Variants in ARHGAP24 observed in about 807,000 individuals in gnomAD.
The protein encoded by ARHGAP24 is Rho GTPase activating protein 24.
In ARHGAP24, 50 loss-of-function variants were observed where a neutral mutation model predicts 76.4. The observed-to-expected ratio is 0.65, with a 90% CI of 0.52 to 0.83. The LOEUF (loss-of-function observed/expected upper bound fraction) is 0.83. ARHGAP24 is among the 40% of genes least tolerant of loss of function. The pLI is 0.00. For synonymous variants in ARHGAP24, 345 were observed against 323.3 expected (o/e 1.07, Z -0.72); for missense variants, 930 against 914.2 (o/e 1.02, Z -0.22).
intron 2 of ARHGAP24, among the ~76,000 whole-genome samples, chr4:85,684,965 A>G (rs1320411944): frequency 6.6e-6 from 1 of 152,174 alleles, no homozygotes; most frequent in East Asian, 1.9e-4. Context: ...TGTTTCGGAT[A>G]TGCTATTTGT....
intron 3 of ARHGAP24, among the ~76,000 whole-genome samples, chr4:85,767,200 A>G (rs1726960812): frequency 1.3e-5 from 2 of 152,194 alleles, no homozygotes. Context: ...ATGTATGACC[A>G]TAGTTGCAAA....
At chr4:85,896,539 G>C (rs1734188536) in intron 3 of ARHGAP24, among the ~76,000 whole-genome samples, 1 of 152,146 alleles carries the variant, frequency 6.6e-6, no homozygotes, top group Non-Finnish European at 1.5e-5. Context: ...GAGGATGCTG[G>C]ATTCTTCTTC....
intron 4 of ARHGAP24, among the ~76,000 whole-genome samples, chr4:85,928,677 G>T (rs1272269317): frequency 6.6e-6 from 1 of 152,008 alleles, no homozygotes; most frequent in East Asian, 1.9e-4. Flanking sequence ...GGCCAGGCTG[G>T]TCTCAAACTC....
chr4:85,995,808 A>T (rs1238241231), intron 9 of ARHGAP24, 151 bp downstream of exon 9: 9 of 775,372 alleles, frequency 1.2e-5, no homozygotes, highest in Non-Finnish European at 1.9e-5. Flanking sequence ...ACTGTGTGCA[A>T]GTTAGCTTCA....
intron 1 of ARHGAP24, among the ~76,000 whole-genome samples, chr4:85,519,872 C>T (rs1192027637): frequency 6.6e-6 from 1 of 152,082 alleles, no homozygotes; most frequent in Non-Finnish European, 1.5e-5. Context: ...AAGGCTGTCC[C>T]GACTGTGGTG....
chr4:85,519,274 G>A (rs986405292), intron 1 of ARHGAP24, among the ~76,000 whole-genome samples: 1 of 152,018 alleles, frequency 6.6e-6, no homozygotes, highest in African/African-American at 2.4e-5. Flanking sequence ...TGTCATCCAG[G>A]TGCCATTGTT....
intron 1 of ARHGAP24, among the ~76,000 whole-genome samples, chr4:85,508,625 G>C (rs186089382): frequency 6.6e-6 from 1 of 152,002 alleles, no homozygotes; most frequent in Non-Finnish European, 1.5e-5. Flanking sequence ...TTTCATTCCC[G>C]TGCTATGAGC....
At chr4:85,700,321 G>A (rs191088873) in intron 2 of ARHGAP24, among the ~76,000 whole-genome samples, 9 of 151,784 alleles carry the variant, frequency 5.9e-5, no homozygotes, top group African/African-American at 1.7e-4. Flanking sequence ...GCTTGAACCC[G>A]GGAGGTGGAA....
intron 2 of ARHGAP24, among the ~76,000 whole-genome samples, chr4:85,687,115 G>T (rs534079236): frequency 6.7e-6 from 1 of 149,490 alleles, no homozygotes; most frequent in South Asian, 2.1e-4. Context: ...TGATGATGAT[G>T]ATGGATGGAT....
chr4:85,786,809 C>T (rs766183892), intron 3 of ARHGAP24, among the ~76,000 whole-genome samples: 15 of 152,298 alleles, frequency 9.8e-5, no homozygotes, highest in Non-Finnish European at 1.6e-4. Flanking sequence ...TACTTTCTCA[C>T]CTTTGTATGG....
intron 3 of ARHGAP24, among the ~76,000 whole-genome samples, chr4:85,806,395 T>C (rs10516762): frequency 0.22 from 32,712 of 152,128 alleles, 4,661 homozygotes; most frequent in Non-Finnish European, 0.33. Context: ...GTTGAAAATA[T>C]GTATAATTGT....
intron 2 of ARHGAP24, among the ~76,000 whole-genome samples, chr4:85,620,014 A>C (rs1720664184): frequency 6.6e-6 from 1 of 151,958 alleles, no homozygotes; most frequent in South Asian, 2.1e-4. Context: ...TAGAAATCCC[A>C]CTTGACCTGA....
At chr4:85,547,880 GTT>G (rs1725980207) in intron 1 of ARHGAP24, among the ~76,000 whole-genome samples, 1 of 152,122 alleles carries the variant, frequency 6.6e-6, no homozygotes, top group South Asian at 2.1e-4. Context: ...CTACCTACTA[GTT>G]TTTGCATCCA....
intron 3 of ARHGAP24, among the ~76,000 whole-genome samples, chr4:85,883,991 T>C (rs766447124): frequency 1.2e-4 from 19 of 152,172 alleles, no homozygotes; most frequent in Non-Finnish European, 2.1e-4. Context: ...AAAACTCCCA[T>C]AATGTTTTGA....
intron 3 of ARHGAP24, among the ~76,000 whole-genome samples, chr4:85,752,822 T>C (rs1370351947): frequency 6.6e-6 from 1 of 152,228 alleles, no homozygotes; most frequent in Non-Finnish European, 1.5e-5. Flanking sequence ...AACACCTTGC[T>C]TGGCACAAAG....
intron 1 of ARHGAP24, among the ~76,000 whole-genome samples, chr4:85,566,012 C>A (rs1034834115): frequency 6.6e-6 from 1 of 152,158 alleles, no homozygotes; most frequent in African/African-American, 2.4e-5. Flanking sequence ...GAAAACAATT[C>A]AAAAGCTACA....
At chr4:85,917,671 G>C (rs1177289571) in intron 3 of ARHGAP24, among the ~76,000 whole-genome samples, 1 of 152,028 alleles carries the variant, frequency 6.6e-6, no homozygotes, top group African/African-American at 2.4e-5. Context: ...CAGTGATGTT[G>C]GCATTTTTTC....
At chr4:85,766,208 A>T (rs1486985117) in intron 3 of ARHGAP24, among the ~76,000 whole-genome samples, 1 of 152,076 alleles carries the variant, frequency 6.6e-6, no homozygotes, top group East Asian at 1.9e-4. Context: ...AGATGAAGGA[A>T]GTAGAGATGG....
At chr4:85,804,099 G>A (rs1207211175) in intron 3 of ARHGAP24, among the ~76,000 whole-genome samples, 2 of 151,994 alleles carry the variant, frequency 1.3e-5, no homozygotes, top group African/African-American at 4.8e-5. Context: ...TTACAGGTGT[G>A]TGGCTAACCT....
Sources: gnomAD v4.1 joint callset for allele counts (sites outside exome capture counted in the v4.1 genomes callset) on GRCh38, gnomAD v4.1.1 for gene constraint, MANE v1.5 for transcripts, NCBI Gene and HGNC (gene_info 2026-07-23, HGNC 2026-07-21) for gene names.